The following CHODL variants were observed in gnomAD, a reference collection of about 807,000 sequenced individuals.
The protein encoded by CHODL is chondrolectin.
CHODL carries 29 observed loss-of-function variants against 34.5 expected under a neutral mutation model. The observed-to-expected ratio is 0.84, with a 90% CI of 0.63 to 1.15. The LOEUF is 1.15. CHODL is among the 50% of genes most tolerant of loss of function. CHODL has a pLI of 0.00. For synonymous variants in CHODL, 125 were observed against 116.1 expected (o/e 1.08, Z -0.49); for missense variants, 332 against 332.5 (o/e 1.00, Z 0.01).
intron 2 of CHODL, among the ~76,000 whole-genome samples, chr21:18,045,754 A>G (rs982397569): frequency 1.3e-5 from 2 of 152,052 alleles, no homozygotes; most frequent in South Asian, 4.1e-4. Context: ...GCACTTATGA[A>G]TGAACTAGTA....
chr21:18,107,089 T>G (rs1425861898), intron 2 of CHODL, among the ~76,000 whole-genome samples: 2 of 152,220 alleles, frequency 1.3e-5, no homozygotes, highest in African/African-American at 4.8e-5. Flanking sequence ...GAAGTACGAA[T>G]AGCAATGCCA....
intron 1 of CHODL, among the ~76,000 whole-genome samples, chr21:17,955,272 C>T (rs2063487429): frequency 7.3e-6 from 1 of 137,482 alleles, no homozygotes; most frequent in African/African-American, 2.5e-5. Context: ...AGATTCATCT[C>T]ATGATTGCAG....
At chr21:18,101,839 G>C (rs922134483) in intron 2 of CHODL, among the ~76,000 whole-genome samples, 2 of 151,678 alleles carry the variant, frequency 1.3e-5, no homozygotes, top group African/African-American at 4.8e-5. Context: ...TATATATTTA[G>C]TTTCCATAAT....
chr21:18,123,834 G>T lies in CHODL; in HGVS notation c.-45+95863G>T, dbSNP rs201305838. Among the ~76,000 whole-genome samples, 4 of 152,208 alleles carry T rather than the reference G, an allele frequency of 2.6e-5. No homozygotes were observed. In the East Asian group the frequency reaches 7.7e-4, roughly 29 times the overall value. ...CCCAGCCCATGGAATTATTATTCAA[G>T]CAAGCCATTTCTGTCTTCCCAGCAA... On this transcript the variant is annotated intron_variant, in intron 2 of 6. Transcript: ENST00000400127.
intron 1 of CHODL, among the ~76,000 whole-genome samples, chr21:17,983,564 G>T (rs2063730527): frequency 6.6e-6 from 1 of 151,956 alleles, no homozygotes; most frequent in South Asian, 2.1e-4. Context: ...TTTCATCTTT[G>T]TTAATCAGGT....
chr21:18,110,803 G>A (rs1476095817), intron 2 of CHODL, among the ~76,000 whole-genome samples: 1 of 152,156 alleles, frequency 6.6e-6, no homozygotes, highest in Non-Finnish European at 1.5e-5. Context: ...GACATGCAGT[G>A]TGCTCAAGAT....
chr21:17,918,185 G>A (rs1030356220), intron 1 of CHODL, among the ~76,000 whole-genome samples: 1 of 151,898 alleles, frequency 6.6e-6, no homozygotes, highest in African/African-American at 2.4e-5. Context: ...GTTTGATGAG[G>A]GGTTGAAATA....
chr21:18,204,747 G>A (rs764738305), intron 2 of CHODL, among the ~76,000 whole-genome samples: 21 of 152,046 alleles, frequency 1.4e-4, no homozygotes, highest in Non-Finnish European at 2.9e-4. Flanking sequence ...TATAACCCTG[G>A]AGTGAATTTC....
intron 1 of CHODL, among the ~76,000 whole-genome samples, chr21:18,004,245 G>T (rs1162412099): frequency 2.0e-5 from 3 of 152,150 alleles, no homozygotes; most frequent in Non-Finnish European, 4.4e-5. Context: ...GTATTTATTG[G>T]ATAATGTAAT....
chr21:18,021,117 T>A (rs1285717897), intron 1 of CHODL, among the ~76,000 whole-genome samples: 1 of 152,210 alleles, frequency 6.6e-6, no homozygotes, highest in Non-Finnish European at 1.5e-5. Flanking sequence ...GTTGTCAGCA[T>A]AAAAGAGCCT....
intron 1 of CHODL, among the ~76,000 whole-genome samples, chr21:18,005,800 G>C (rs923453308): frequency 1.3e-5 from 2 of 152,104 alleles, no homozygotes; most frequent in South Asian, 2.1e-4. Flanking sequence ...ATGGACACAT[G>C]GGGGGAAACA....
chr21:18,155,759 A>C (rs2073026713), intron 2 of CHODL, among the ~76,000 whole-genome samples: 1 of 152,170 alleles, frequency 6.6e-6, no homozygotes, highest in South Asian at 2.1e-4. Context: ...CCTGAATGGA[A>C]TGTTGTTTTG....
At chr21:18,084,253 C>A (rs1015089314) in intron 2 of CHODL, among the ~76,000 whole-genome samples, 1 of 152,114 alleles carries the variant, frequency 6.6e-6, no homozygotes, top group Non-Finnish European at 1.5e-5. Flanking sequence ...CCTGAGGCTT[C>A]CCAGTCATGC....
At chr21:18,130,831 G>A (rs1371170590) in intron 2 of CHODL, among the ~76,000 whole-genome samples, 1 of 152,078 alleles carries the variant, frequency 6.6e-6, no homozygotes, top group African/African-American at 2.4e-5. Flanking sequence ...CATTCATATT[G>A]AATCCTTTCA....
intron 2 of CHODL, among the ~76,000 whole-genome samples, chr21:18,236,027 G>T (rs956692886): frequency 4.6e-5 from 7 of 152,022 alleles, no homozygotes; most frequent in Admixed American, 1.3e-4. Context: ...TATGAGTTTT[G>T]TATTAGTACA....
At chr21:17,942,938 T>C (rs1314559951) in intron 1 of CHODL, among the ~76,000 whole-genome samples, 6 of 152,176 alleles carry the variant, frequency 3.9e-5, no homozygotes, top group Non-Finnish European at 5.9e-5. Flanking sequence ...TAAAAGTGCA[T>C]AGCACTTCTA....
chr21:18,189,019 G>A (rs2073478476), intron 2 of CHODL, among the ~76,000 whole-genome samples: 2 of 152,156 alleles, frequency 1.3e-5, no homozygotes, highest in African/African-American at 4.8e-5. Flanking sequence ...AATAGCCCTT[G>A]TGCGCAATAA....
At chr21:18,147,322 C>A (rs761434577) in intron 2 of CHODL, among the ~76,000 whole-genome samples, 1 of 152,204 alleles carries the variant, frequency 6.6e-6, no homozygotes, top group Admixed American at 6.5e-5. Context: ...CTAGAATCTA[C>A]CACATTCGAA....
chr21:18,141,048 T>G (rs1220660132), intron 2 of CHODL, among the ~76,000 whole-genome samples: 1 of 152,030 alleles, frequency 6.6e-6, no homozygotes, highest in African/African-American at 2.4e-5. Flanking sequence ...TGAGTCCAAC[T>G]TGAAGTTGAG....
Sources: allele counts gnomAD v4.1 joint callset (sites outside exome capture counted in the v4.1 genomes callset), GRCh38; gene constraint gnomAD v4.1.1; transcripts MANE v1.5; gene names NCBI Gene and HGNC (gene_info 2026-07-23, HGNC 2026-07-21).